SDK1: variants seen among roughly 807,000 people sequenced by gnomAD.
SDK1 encodes protein sidekick-1.
In SDK1, 157 loss-of-function variants were observed where a neutral mutation model predicts 245.5. That is an observed-to-expected ratio of 0.64 (90% CI 0.56 to 0.73). SDK1 has a LOEUF of 0.73. Ranked by LOEUF, SDK1 falls within the 30% of genes least tolerant of loss-of-function variation. The pLI is 0.00. For synonymous variants in SDK1, 1,647 were observed against 1,278.5 expected (o/e 1.29, Z -6.15); for missense variants, 3,583 against 3,002.3 (o/e 1.19, Z -4.52).
rs1779227153 is a variant in SDK1 at position 4,056,730 on chromosome 7, C to A, written c.2911+4900C>A. Among the ~76,000 whole-genome samples the A allele has an allele frequency of 2.6e-5, 4 of 152,190 alleles. 1 individual carries two copies. The South Asian group carries it at 8.3e-4, about 32-fold the overall frequency. On this transcript the variant is annotated intron_variant, in intron 19 of 44. Transcript: ENST00000404826. ...CTCCAGAGAGGGAGCCCACGCTGCA[C>A]CCCACACGCCCGAGCCCAGAGCAGC...
chr7:4,142,432 G>T (rs978572235), intron 28 of SDK1, among the ~76,000 whole-genome samples: 1 of 152,072 alleles, frequency 6.6e-6, no homozygotes, highest in African/African-American at 2.4e-5. Context: ...GGGTTCAAGC[G>T]ATTCTCCTGC....
chr7:3,474,797 C>T (rs1005733573), intron 1 of SDK1, among the ~76,000 whole-genome samples: 2 of 152,136 alleles, frequency 1.3e-5, no homozygotes, highest in Non-Finnish European at 2.9e-5. Flanking sequence ...TTCAAGCGAT[C>T]TTCCTACCAC....
chr7:3,607,047 C>T (rs1280618732), intron 1 of SDK1, among the ~76,000 whole-genome samples: 3 of 152,120 alleles, frequency 2.0e-5, no homozygotes, highest in Admixed American at 6.6e-5. Context: ...TTCCAAGATG[C>T]ACCTTCAACT....
chr7:4,254,201 G>A (rs1017968576), intron 44 of SDK1, among the ~76,000 whole-genome samples: 5 of 151,508 alleles, frequency 3.3e-5, no homozygotes, highest in African/African-American at 7.3e-5. Flanking sequence ...TTTTGTTTTT[G>A]TTTTTGTTTT....
chr7:3,915,746 C>T lies in SDK1; in HGVS notation c.848-35177C>T, dbSNP rs532943090. On this transcript the variant is annotated intron_variant, in intron 5 of 44. Coordinates refer to ENST00000404826, the MANE Select transcript of SDK1 (RefSeq NM_152744.4). Reference sequence around the variant, plus strand: ...AGTTGTCATGGAAGTTGATAAAGTACCCTTGAGAGCTTAGTACCAAGTCAC... The same window carrying T: ...AGTTGTCATGGAAGTTGATAAAGTATCCTTGAGAGCTTAGTACCAAGTCAC... 3.9e-5 allele frequency among the ~76,000 whole-genome samples: 6 copies of T among 152,298 alleles called. No homozygotes were observed. The South Asian group carries it at 1.0e-3, about 26-fold the overall frequency.
At chr7:3,400,851 A>C (rs1778869270) in intron 1 of SDK1, among the ~76,000 whole-genome samples, 1 of 152,202 alleles carries the variant, frequency 6.6e-6, no homozygotes. Context: ...AAGGAGCTTC[A>C]ACCTCAGTTT....
chr7:3,687,736 G>C (rs935345353), intron 4 of SDK1, among the ~76,000 whole-genome samples: 2 of 152,196 alleles, frequency 1.3e-5, no homozygotes, highest in African/African-American at 4.8e-5. Flanking sequence ...AGAGAGGATA[G>C]AGCTGGATGC....
chr7:3,581,709 C>T (rs981252137), intron 1 of SDK1, among the ~76,000 whole-genome samples: 1 of 152,166 alleles, frequency 6.6e-6, no homozygotes, highest in South Asian at 2.1e-4. Flanking sequence ...ATATTCATTG[C>T]AGCAGTATTC....
Position 4,268,492 on chromosome 7 carries a change from G to A in SDK1, c.*3108G>A, listed in dbSNP as rs1392789290. ...CTCAATGCTGTAGCCAAAAAACGAG[G>A]GGCCCCAGGGAGAGGGGACCCAGAT... On this transcript the variant is annotated 3_prime_UTR_variant, in exon 45 of 45. Transcript: ENST00000404826. 1.7e-6 allele frequency: 2 copies of A among 1,175,226 alleles called. No individual in the cohort carries two copies. The highest frequency in any genetic ancestry group is 1.6e-5 in the African/African-American group (1 of 62,086). 72.8% of individuals were successfully genotyped at this position (1,175,226 alleles called of 1,614,324 possible).
rs778178602 is a variant in SDK1, at chr7:4,020,669, G to A, written c.2602+3317G>A. Among the ~76,000 whole-genome samples the A allele has an allele frequency of 4.6e-5, 7 of 152,286 alleles. No homozygotes were observed. In the South Asian group the frequency reaches 6.2e-4, roughly 14 times the overall value. ...GTGGTGGGGGCGCAGTGAGCGTGAC[G>A]TTTCACACACACGTGTATATTCACA... is the stretch of plus-strand genomic sequence containing the variant. On this transcript the variant is annotated intron_variant, in intron 17 of 44. Transcript: ENST00000404826.
chr7:3,657,431 C>A (rs544507128), intron 4 of SDK1, among the ~76,000 whole-genome samples: 1 of 152,092 alleles, frequency 6.6e-6, no homozygotes, highest in Non-Finnish European at 1.5e-5. Context: ...GGGTGAGGAG[C>A]GTCACTGTCT....
At chr7:3,990,149 C>T (rs552501651) in intron 14 of SDK1, among the ~76,000 whole-genome samples, 3 of 152,250 alleles carry the variant, frequency 2.0e-5, no homozygotes, top group South Asian at 2.1e-4. Context: ...TTGAGTTCTG[C>T]ACCACGCAAA....
chr7:3,897,038 C>T (rs1441909455), intron 5 of SDK1, among the ~76,000 whole-genome samples: 1 of 152,136 alleles, frequency 6.6e-6, no homozygotes, highest in Admixed American at 6.5e-5. Context: ...GAACTGCACA[C>T]TTACCAAACA....
chr7:3,550,058 G>A (rs1000136743), intron 1 of SDK1, among the ~76,000 whole-genome samples: 3 of 152,074 alleles, frequency 2.0e-5, no homozygotes, highest in Non-Finnish European at 2.9e-5. Context: ...TAAAATCAAT[G>A]TGAATATGTG....
chr7:3,660,981 T>C (rs2128659322), intron 4 of SDK1, among the ~76,000 whole-genome samples: 1 of 152,310 alleles, frequency 6.6e-6, no homozygotes, highest in East Asian at 1.9e-4. Context: ...ATTTTGAGAA[T>C]TACCTCTGCT....
chr7:3,566,595 C>A (rs747222951), intron 1 of SDK1, among the ~76,000 whole-genome samples: 72 of 151,822 alleles, frequency 4.7e-4, no homozygotes, highest in Non-Finnish European at 1.2e-4. Context: ...ATTACAGATT[C>A]TGTTCAATGA....
intron 4 of SDK1, among the ~76,000 whole-genome samples, chr7:3,720,431 A>G (rs1261255071): frequency 6.6e-6 from 1 of 152,236 alleles, no homozygotes; most frequent in African/African-American, 2.4e-5. Context: ...ATACACAGAT[A>G]TTTCACCAAA....
chr7:3,495,365 C>G (rs548322441), intron 1 of SDK1, among the ~76,000 whole-genome samples: 27 of 143,164 alleles, frequency 1.9e-4, no homozygotes, highest in Middle Eastern at 3.9e-3. Flanking sequence ...TCAGGTGATT[C>G]TCCTGCCTCA....
At chr7:4,210,347 G>A (rs768772150) in intron 38 of SDK1, among the ~76,000 whole-genome samples, 185 bp downstream of exon 38, 17 of 152,300 alleles carry the variant, frequency 1.1e-4, no homozygotes, top group East Asian at 9.7e-4. Flanking sequence ...GGGGACTCGC[G>A]GGGAAAGGCC....
Sources: allele counts gnomAD v4.1 joint callset (sites outside exome capture counted in the v4.1 genomes callset), GRCh38; gene constraint gnomAD v4.1.1; transcripts MANE v1.5; gene names NCBI Gene and HGNC (gene_info 2026-07-23, HGNC 2026-07-21).